The following PCDHA10 variants were observed in gnomAD, a reference collection of about 807,000 sequenced individuals.
The protein encoded by PCDHA10 is protocadherin alpha 10.
In PCDHA10, 45 loss-of-function variants were observed where a neutral mutation model predicts 61.2. That is an observed-to-expected ratio of 0.74 (90% CI 0.58 to 0.94). The LOEUF is 0.94. Ranked by LOEUF, PCDHA10 falls within the 40% of genes least tolerant of loss-of-function variation. The pLI, the probability that PCDHA10 is intolerant of heterozygous loss-of-function variation, is 0.00. For synonymous variants in PCDHA10, 602 were observed against 548.8 expected (o/e 1.10, Z -1.35); for missense variants, 1,278 against 1,236.2 (o/e 1.03, Z -0.51).
At chr5:140,862,356 A>G in intron 1 of PCDHA10, 1 of 338,010 alleles carries the variant, frequency 3.0e-6, no homozygotes, top group Non-Finnish European at 5.8e-6. Context: ...GCCAAGGGAC[A>G]GACGACCCGC....
chr5:140,999,985 G>T (rs1451778210), intron 3 of PCDHA10, among the ~76,000 whole-genome samples: 1 of 152,022 alleles, frequency 6.6e-6, no homozygotes, highest in African/African-American at 2.4e-5. Context: ...AGCGGCCTCT[G>T]GGTAGTGGTA....
At chr5:140,862,902 G>C (rs782710771) in intron 1 of PCDHA10, 1 of 554,284 alleles carries the variant, frequency 1.8e-6, no homozygotes, top group Non-Finnish European at 3.5e-6. Context: ...CTTTGTCTGC[G>C]CTGCTGGCGC....
At chr5:141,007,977 T>A (rs564286183) in intron 3 of PCDHA10, among the ~76,000 whole-genome samples, 20 of 152,362 alleles carry the variant, frequency 1.3e-4, no homozygotes, top group African/African-American at 4.8e-4. Flanking sequence ...GTCTGTCATG[T>A]ATATATGAAA....
At chr5:141,007,280 T>G (rs946303708) in intron 3 of PCDHA10, among the ~76,000 whole-genome samples, 1 of 151,106 alleles carries the variant, frequency 6.6e-6, no homozygotes, top group East Asian at 1.9e-4. Flanking sequence ...CTGGGTGCAG[T>G]GGGCTCATGC....
chr5:140,965,036 G>A (rs568573122), intron 1 of PCDHA10, among the ~76,000 whole-genome samples: 1 of 152,272 alleles, frequency 6.6e-6, no homozygotes, highest in African/African-American at 2.4e-5. Context: ...TTAACTGTCC[G>A]CTCTAGGAGG....
intron 1 of PCDHA10, chr5:140,926,801 C>T: frequency 1.4e-6 from 2 of 1,451,506 alleles, no homozygotes; most frequent in Non-Finnish European, 9.0e-7. Flanking sequence ...GCGTGCTCTT[C>T]CCCGCGGCTC....
chr5:140,887,385 C>T (rs1015937560), intron 1 of PCDHA10, among the ~76,000 whole-genome samples: 3 of 152,124 alleles, frequency 2.0e-5, no homozygotes, highest in Admixed American at 6.5e-5. Context: ...TGTGAGCCAC[C>T]GCGCCCGGCT....
At chr5:140,890,822 A>G (rs1044008204) in intron 1 of PCDHA10, among the ~76,000 whole-genome samples, 1 of 152,186 alleles carries the variant, frequency 6.6e-6, no homozygotes, top group Non-Finnish European at 1.5e-5. Context: ...TTTTAAATGT[A>G]CTTACATATT....
chr5:140,935,952 G>C (rs1554210758), intron 1 of PCDHA10, among the ~76,000 whole-genome samples: 3 of 148,522 alleles, frequency 2.0e-5, no homozygotes, highest in Non-Finnish European at 4.4e-5. Flanking sequence ...GAGTAAAGTG[G>C]TACAATCTTG....
chr5:140,965,591 C>T (rs1440117062), intron 1 of PCDHA10, among the ~76,000 whole-genome samples: 1 of 151,692 alleles, frequency 6.6e-6, no homozygotes, highest in Non-Finnish European at 1.5e-5. Context: ...AATGGTTTTG[C>T]AGACTCTTGA....
rs149287754 is a variant in PCDHA10, at chr5:140,962,549, G to T, written c.2389-16400G>T. Reference sequence around the variant, plus strand: ...GTTTTTTAGAACTAAAAATGTAGAGGATCTCCCCCTAAAAGCCAATTGTTA... The same window carrying T: ...GTTTTTTAGAACTAAAAATGTAGAGTATCTCCCCCTAAAAGCCAATTGTTA... On this transcript the variant is annotated intron_variant, in intron 1 of 3. Coordinates refer to ENST00000307360, the MANE Select transcript of PCDHA10 (RefSeq NM_018901.4). 1.3e-3 allele frequency among the ~76,000 whole-genome samples: 202 copies of T among 152,208 alleles called. 3 individuals carry two copies. The highest frequency in any genetic ancestry group is 4.3e-4 in the Non-Finnish European group (29 of 68,014).
At chr5:140,923,878 G>A (rs1475731417) in intron 1 of PCDHA10, among the ~76,000 whole-genome samples, 3 of 152,192 alleles carry the variant, frequency 2.0e-5, no homozygotes, top group Non-Finnish European at 4.4e-5. Context: ...TCTGAGAAGC[G>A]TGTGAAAGAG....
chr5:140,957,100 T>C (rs2095333217), intron 1 of PCDHA10, among the ~76,000 whole-genome samples: 1 of 152,328 alleles, frequency 6.6e-6, no homozygotes, highest in Non-Finnish European at 1.5e-5. Flanking sequence ...AATATTGCTA[T>C]GGACATGATT....
intron 1 of PCDHA10, among the ~76,000 whole-genome samples, chr5:140,902,174 T>C (rs1191904492): frequency 1.3e-5 from 2 of 151,720 alleles, no homozygotes; most frequent in Non-Finnish European, 2.9e-5. Context: ...AATTTGGATG[T>C]CCTTTATGTC....
chr5:140,983,399 G>C (rs1486206101), intron 3 of PCDHA10, among the ~76,000 whole-genome samples: 1 of 152,148 alleles, frequency 6.6e-6, no homozygotes, highest in East Asian at 1.9e-4. Context: ...TTTCAGAAAG[G>C]GAAGATTAAG....
Position 140,956,288 on chromosome 5 carries a change from C to A in PCDHA10, c.2389-22661C>A, listed in dbSNP as rs115259112. The stretch of plus-strand genomic sequence containing the variant: ...AGTGTGGTATTGGCTGTGGGTTTAT[C>A]ATATATATGGCTCTTATTATTTTGA... On this transcript the variant is annotated intron_variant, in intron 1 of 3. Transcript: ENST00000307360. Among the ~76,000 whole-genome samples, 994 of 152,174 alleles carry A rather than the reference C, an allele frequency of 6.5e-3. 6 individuals carry two copies. Among genetic ancestry groups the A allele is most frequent in the African/African-American group, 0.022 (916 of 41,532 alleles).
intron 1 of PCDHA10, among the ~76,000 whole-genome samples, chr5:140,949,466 G>A (rs2094383684): frequency 6.6e-6 from 1 of 151,662 alleles, no homozygotes; most frequent in Non-Finnish European, 1.5e-5. Flanking sequence ...TTGAAGCCCT[G>A]TTATTAGGCA....
intron 3 of PCDHA10, among the ~76,000 whole-genome samples, chr5:140,999,140 G>A (rs1473682487): frequency 6.6e-6 from 1 of 152,164 alleles, no homozygotes; most frequent in African/African-American, 2.4e-5. Context: ...TGTCACAGCC[G>A]GAAGTCTTCA....
intron 3 of PCDHA10, among the ~76,000 whole-genome samples, chr5:140,996,394 G>A (rs2097724789): frequency 6.6e-6 from 1 of 152,192 alleles, no homozygotes; most frequent in Non-Finnish European, 1.5e-5. Context: ...GCCTCATAGA[G>A]TTTCAGGTGG....
Sources: gnomAD v4.1 joint callset for allele counts (sites outside exome capture counted in the v4.1 genomes callset) on GRCh38, gnomAD v4.1.1 for gene constraint, MANE v1.5 for transcripts, NCBI Gene and HGNC (gene_info 2026-07-23, HGNC 2026-07-21) for gene names.